The following RORA variants were observed in gnomAD, a reference collection of about 807,000 sequenced individuals.
RORA encodes the protein RAR related orphan receptor A.
A neutral mutation model predicts 69.5 loss-of-function variants in RORA; 7 were observed. The observed-to-expected ratio is 0.10, with a 90% confidence interval of 0.06 to 0.19. RORA has a LOEUF of 0.19. Ranked by LOEUF, RORA falls within the 10% of genes least tolerant of loss-of-function variation. The probability of loss-of-function intolerance (pLI) is 1.00; values close to 1 mark genes in which losing one functional copy is unlikely to be tolerated. For missense variants in RORA, 457 were observed against 663.0 expected (o/e 0.69, Z 3.41); for synonymous variants, 261 against 240.8 (o/e 1.08, Z -0.78).
intron 1 of RORA, among the ~76,000 whole-genome samples, chr15:60,694,015 C>T (rs971308795): frequency 2.6e-5 from 4 of 152,086 alleles, no homozygotes; most frequent in Admixed American, 2.0e-4. Context: ...AAGAACAAAG[C>T]AGGAGGCATC....
chr15:60,938,290 A>C (rs1230152906), intron 1 of RORA, among the ~76,000 whole-genome samples: 1 of 152,202 alleles, frequency 6.6e-6, no homozygotes, highest in Non-Finnish European at 1.5e-5. Context: ...GGAGGCAATA[A>C]TGAAGAAAAA....
At chr15:60,941,598 A>G (rs1299438411) in intron 1 of RORA, among the ~76,000 whole-genome samples, 2 of 152,358 alleles carry the variant, frequency 1.3e-5, no homozygotes, top group Middle Eastern at 6.8e-3. Flanking sequence ...GCTTTCACCC[A>G]GAGGTGTTCT....
chr15:60,920,497 G>C (rs1892008910), intron 1 of RORA, among the ~76,000 whole-genome samples: 1 of 152,054 alleles, frequency 6.6e-6, no homozygotes, highest in Non-Finnish European at 1.5e-5. Context: ...ACCCATTTTA[G>C]GTCTCTCTTA....
chr15:60,733,877 C>G (rs1414229947), intron 1 of RORA, among the ~76,000 whole-genome samples: 3 of 139,572 alleles, frequency 2.1e-5, no homozygotes, highest in Non-Finnish European at 4.6e-5. Context: ...TATGTGTATC[C>G]AACTATCTGC....
chr15:60,952,317 A>G (rs1893133990), intron 1 of RORA, among the ~76,000 whole-genome samples: 1 of 152,270 alleles, frequency 6.6e-6, no homozygotes, highest in Non-Finnish European at 1.5e-5. Flanking sequence ...ATCTATGACA[A>G]ACCCACAGCC....
intron 1 of RORA, among the ~76,000 whole-genome samples, chr15:60,834,123 A>G (rs1443685866): frequency 6.6e-6 from 1 of 152,212 alleles, no homozygotes; most frequent in Non-Finnish European, 1.5e-5. Context: ...GGTAAAAATA[A>G]CAGTTCCTCA....
At chr15:60,928,006 T>C (rs1384603920) in intron 1 of RORA, among the ~76,000 whole-genome samples, 1 of 152,206 alleles carries the variant, frequency 6.6e-6, no homozygotes, top group Non-Finnish European at 1.5e-5. Flanking sequence ...GGGCCCGTGC[T>C]TTCTCTTGTT....
intron 1 of RORA, among the ~76,000 whole-genome samples, chr15:60,755,929 A>G (rs968198135): frequency 3.9e-5 from 6 of 152,068 alleles, no homozygotes; most frequent in Admixed American, 2.0e-4. Context: ...TCATTTATTC[A>G]CTGAATATCT....
At chr15:60,615,132 A>T in intron 2 of RORA, 1 of 1,420,464 alleles carries the variant, frequency 7.0e-7, no homozygotes, top group Non-Finnish European at 9.7e-7. Flanking sequence ...CCCAAGTCCT[A>T]ATGCTCTCTC....
chr15:60,911,091 T>G (rs908103531), intron 1 of RORA, among the ~76,000 whole-genome samples: 13 of 92,566 alleles, frequency 1.4e-4, no homozygotes, highest in Admixed American at 2.3e-4. Flanking sequence ...TTTTTTTTTT[T>G]TTTTTTTTTT....
rs113072302 is a variant in RORA, at chr15:60,802,281, G to A, written c.167-123595C>T. ...TGTGAATAGCAATTCCCAACTCATG[G>A]GTTAATATGCAGACCGAGTGTTTGG... On this transcript the variant is annotated intron_variant, in intron 1 of 10. Transcript: ENST00000335670. 3.9e-3 allele frequency among the ~76,000 whole-genome samples: 590 copies of A among 152,328 alleles called. 7 individuals are homozygous for A. The highest frequency in any genetic ancestry group is 0.012 in the African/African-American group (516 of 41,562).
intron 1 of RORA, among the ~76,000 whole-genome samples, chr15:61,013,779 CTTTTTTTTTTTTT>C (rs3053960): frequency 4.2e-5 from 3 of 70,934 alleles, no homozygotes; most frequent in African/African-American, 1.7e-4. Context: ...ACTGGGTTGG[CTTTTTTTTTTTTT>C]TTTTTTTTTT....
At chr15:60,923,882 C>T (rs933723964) in intron 1 of RORA, among the ~76,000 whole-genome samples, 1 of 152,204 alleles carries the variant, frequency 6.6e-6, no homozygotes, top group African/African-American at 2.4e-5. Flanking sequence ...GTGCTGGAAG[C>T]TGGAGTGGGC....
At chr15:60,544,461 G>A (rs2067004942) in intron 2 of RORA, among the ~76,000 whole-genome samples, 1 of 151,818 alleles carries the variant, frequency 6.6e-6, no homozygotes, top group Admixed American at 6.6e-5. Flanking sequence ...CGAACCCCTC[G>A]TGCTCTCCCT....
intron 1 of RORA, among the ~76,000 whole-genome samples, chr15:60,894,427 T>C (rs1891174139): frequency 6.6e-6 from 1 of 152,170 alleles, no homozygotes; most frequent in African/African-American, 2.4e-5. Context: ...GTGAACACAG[T>C]CATAAATTAG....
Position 60,683,725 on chromosome 15 carries a change from C to T in RORA, c.167-5039G>A, listed in dbSNP as rs141802880. Among the ~76,000 whole-genome samples, 7 of 151,928 alleles carry T rather than the reference C, an allele frequency of 4.6e-5. No individual in the cohort carries two copies. In the East Asian group the frequency reaches 5.8e-4, roughly 13 times the overall value. The stretch of plus-strand genomic sequence containing the variant: ...GGTAATGCTTGAGCACAATTTCTAA[C>T]TTAACAATATGACAGAAGTTTTAAA... On this transcript the variant is annotated intron_variant, in intron 1 of 10. Coordinates refer to ENST00000335670, the MANE Select transcript of RORA (RefSeq NM_134261.3).
chr15:60,627,657 A>G (rs1227096005), intron 2 of RORA: 26 of 417,134 alleles, frequency 6.2e-5, no homozygotes, highest in Non-Finnish European at 8.0e-5. Flanking sequence ...TTTCAATACC[A>G]AATAGTTTGA....
intron 1 of RORA, chr15:60,682,350 G>C (rs1414558786): frequency 6.6e-6 from 1 of 152,128 alleles, no homozygotes; most frequent in Admixed American, 6.6e-5. Context: ...CTAGGACTCT[G>C]GTTTTCAGAC....
At chr15:60,562,611 ATTT>A (rs34301774) in intron 2 of RORA, among the ~76,000 whole-genome samples, 5 of 137,468 alleles carry the variant, frequency 3.6e-5, no homozygotes, top group African/African-American at 1.0e-4. Context: ...AACTTTCTGT[ATTT>A]TTTTTTTTTT....
Sources: gnomAD v4.1 joint callset for allele counts (sites outside exome capture counted in the v4.1 genomes callset) on GRCh38, gnomAD v4.1.1 for gene constraint, MANE v1.5 for transcripts, NCBI Gene and HGNC (gene_info 2026-07-23, HGNC 2026-07-21) for gene names.